GPALPP1: variants seen among roughly 807,000 people sequenced by gnomAD.
GPALPP1 encodes GPALPP motifs-containing protein 1.
A neutral mutation model predicts 38.9 loss-of-function variants in GPALPP1; 30 were observed. The ratio of observed to expected loss-of-function variants is 0.77; its 90% confidence interval spans 0.58 to 1.05. GPALPP1 has a LOEUF of 1.05. Ranked by LOEUF, GPALPP1 falls within the 50% of genes least tolerant of loss-of-function variation. The pLI, the probability that GPALPP1 is intolerant of heterozygous loss-of-function variation, is 0.00. For missense variants in GPALPP1, 384 were observed against 408.8 expected, an observed-to-expected ratio of 0.94 and a Z score of 0.52; for synonymous variants, 120 against 139.2, an observed-to-expected ratio of 0.86 and a Z score of 0.97.
chr13:45,004,197 A>C, intron 1 of GPALPP1, 108 bp from the exon 2 acceptor site: 1 of 826,078 alleles, frequency 1.2e-6, no homozygotes, highest in Non-Finnish European at 1.9e-6. Flanking sequence ...ATAATAAATG[A>C]TAGACAGCCA....
At chr13:45,009,853 A>T (rs377509803) in intron 4 of GPALPP1, among the ~76,000 whole-genome samples, 1 of 152,218 alleles carries the variant, frequency 6.6e-6, no homozygotes, top group African/African-American at 2.4e-5. Flanking sequence ...CTATCTTCAT[A>T]AGACATCCAG....
intron 6 of GPALPP1, among the ~76,000 whole-genome samples, chr13:45,017,948 G>A (rs1874989781): frequency 2.0e-5 from 3 of 152,090 alleles, no homozygotes; most frequent in Admixed American, 1.3e-4. Flanking sequence ...CTTTGATCCC[G>A]TGTAAAGTTC....
chr13:45,020,311 A>T lies in GPALPP1; in HGVS notation c.706-19A>T. ...TAATCTTATGATTCAGTAATGTGTT[A>T]TCTGTGTTCATTCCTCAGGAAACAC... On this transcript the variant is annotated intron_variant, in intron 6 of 7. Coordinates refer to ENST00000379151, the MANE Select transcript of GPALPP1 (RefSeq NM_018559.5). 1.1e-6 allele frequency: 1 copy of T among 905,634 alleles called. No individual in the cohort carries two copies. Among genetic ancestry groups the T allele is most frequent in the Non-Finnish European group, 1.8e-6 (1 of 541,998 alleles). 56.1% of individuals were successfully genotyped at this position (905,634 alleles called of 1,614,324 possible).
chr13:45,006,098 T>C (rs1245006705), intron 2 of GPALPP1, 104 bp from the exon 3 acceptor site: 1 of 629,898 alleles, frequency 1.6e-6, no homozygotes, highest in African/African-American at 1.8e-5. Context: ...ATTGTTGCAG[T>C]GTTTATACAA....
chr13:44,995,383 A>C (rs1873191492), intron 1 of GPALPP1, among the ~76,000 whole-genome samples: 2 of 152,040 alleles, frequency 1.3e-5, no homozygotes, highest in South Asian at 4.2e-4. Context: ...AAGTGATGAT[A>C]TTCCCACCCA....
chr13:45,004,284 C>A, intron 1 of GPALPP1, 21 bp from the exon 2 acceptor site: 1 of 1,603,320 alleles, frequency 6.2e-7, no homozygotes, highest in Non-Finnish European at 8.5e-7. Context: ...CTAGTGATGA[C>A]AAACAACAAG....
At chr13:45,011,495 G>A (rs927582389) in intron 4 of GPALPP1, among the ~76,000 whole-genome samples, 7 of 152,102 alleles carry the variant, frequency 4.6e-5, no homozygotes, top group African/African-American at 7.2e-5. Context: ...AAGCAAACAC[G>A]TCCATCTTCA....
chr13:45,020,196 T>C (rs1875307634), intron 6 of GPALPP1, 134 bp from the exon 7 acceptor site: 1 of 508,108 alleles, frequency 2.0e-6, no homozygotes, highest in South Asian at 2.5e-5. Flanking sequence ...TGTTAATATT[T>C]CTGATCAGAA....
chr13:45,012,252 C>G (rs543117676), intron 4 of GPALPP1, among the ~76,000 whole-genome samples: 34 of 152,238 alleles, frequency 2.2e-4, no homozygotes, highest in African/African-American at 8.2e-4. Context: ...AGAAATGTAA[C>G]CCACTGTCCC....
intron 4 of GPALPP1, 64 bp downstream of exon 4, chr13:45,008,943 G>C (rs1193508107): frequency 1.1e-6 from 1 of 949,998 alleles, no homozygotes. Context: ...AAGATGTATT[G>C]TAACAAACTC....
At chr13:45,006,035 A>T (rs1874069612) in intron 2 of GPALPP1, among the ~76,000 whole-genome samples, 167 bp from the exon 3 acceptor site, 1 of 143,628 alleles carries the variant, frequency 7.0e-6, no homozygotes, top group African/African-American at 2.5e-5. Flanking sequence ...CAAAAAATAA[A>T]AAAAAAAAAA....
At chr13:45,007,238 G>T (rs905171953) in intron 3 of GPALPP1, among the ~76,000 whole-genome samples, 6 of 151,926 alleles carry the variant, frequency 3.9e-5, no homozygotes, top group African/African-American at 1.5e-4. Flanking sequence ...TGACCCCTAG[G>T]ATGTAACATT....
At chr13:45,003,255 C>T (rs1471352677) in intron 1 of GPALPP1, among the ~76,000 whole-genome samples, 1 of 152,152 alleles carries the variant, frequency 6.6e-6, no homozygotes, top group Non-Finnish European at 1.5e-5. Flanking sequence ...GGATTGTTAT[C>T]AGAATTAAAT....
chr13:45,008,075 G>A (rs1874223741), intron 3 of GPALPP1, among the ~76,000 whole-genome samples: 1 of 152,112 alleles, frequency 6.6e-6, no homozygotes, highest in African/African-American at 2.4e-5. Context: ...CTTACTAATT[G>A]TGTTAATCTT....
At chr13:45,002,163 G>A (rs1432656623) in intron 1 of GPALPP1, 2 of 152,494 alleles carry the variant, frequency 1.3e-5, no homozygotes, top group Non-Finnish European at 2.9e-5. Context: ...GGATGTGGTG[G>A]TGCATGCCTG....
chr13:45,013,771 G>A (rs927203452), intron 4 of GPALPP1, among the ~76,000 whole-genome samples: 1 of 152,124 alleles, frequency 6.6e-6, no homozygotes, highest in African/African-American at 2.4e-5. Context: ...AAGTCACAGG[G>A]CTAGTACAAT....
At position 45,004,293 on chromosome 13, in the gene GPALPP1, A is replaced by G. The variant is rs1315007040; in HGVS notation, c.89-12A>G. 6.2e-7 allele frequency: 1 copy of G among 1,607,800 alleles called. No homozygotes were observed. Among genetic ancestry groups the G allele is most frequent in the Admixed American group, 1.7e-5 (1 of 59,346 alleles). On this transcript the variant is annotated splice_polypyrimidine_tract_variant and intron_variant, in intron 1 of 7. Transcript: ENST00000379151. ...TAGTGGCTAGTGATGACAAACAACAAGTGTTCTTTAGTTGCAGGACCAGCT... is the reference window on the plus strand; with the variant it reads ...TAGTGGCTAGTGATGACAAACAACAGGTGTTCTTTAGTTGCAGGACCAGCT...
chr13:45,024,262 CTGTGTGTGTG>C (rs34572145), intron 7 of GPALPP1, among the ~76,000 whole-genome samples: 63 of 24,258 alleles, frequency 2.6e-3, no homozygotes, highest in East Asian at 0.015. Flanking sequence ...CCCTAAAACT[CTGTGTGTGTG>C]TGTGTGTGTG....
intron 6 of GPALPP1, among the ~76,000 whole-genome samples, chr13:45,016,845 A>G (rs1294452479): frequency 1.3e-5 from 2 of 152,128 alleles, no homozygotes; most frequent in African/African-American, 2.4e-5. Context: ...AGGCCTTGCT[A>G]TGTTGTTCAG....
Sources: gnomAD v4.1 joint callset for allele counts (sites outside exome capture counted in the v4.1 genomes callset) on GRCh38, gnomAD v4.1.1 for gene constraint, MANE v1.5 for transcripts, NCBI Gene and HGNC (gene_info 2026-07-23, HGNC 2026-07-21) for gene names.